The following DPP6 variants were observed in gnomAD, a reference collection of about 807,000 sequenced individuals.
DPP6 encodes the protein A-type potassium channel modulatory protein DPP6.
In DPP6, 69 loss-of-function variants were observed where a neutral mutation model predicts 122.6. That is an observed-to-expected ratio of 0.56 (90% CI 0.46 to 0.69). The LOEUF is 0.69. Among genes scored for constraint, DPP6 ranks in the 30% least tolerant of loss-of-function variants. The pLI, the probability that DPP6 is intolerant of heterozygous loss-of-function variation, is 0.00. For missense variants in DPP6, 928 were observed against 1,116.9 expected (o/e 0.83, Z 2.41); for synonymous variants, 418 against 433.1 (o/e 0.97, Z 0.43).
intron 1 of DPP6, among the ~76,000 whole-genome samples, chr7:154,207,245 A>C (rs952002690): frequency 2.6e-5 from 4 of 152,254 alleles, no homozygotes; most frequent in Non-Finnish European, 5.9e-5. Flanking sequence ...TAACTGTGAA[A>C]ACCCAATCAT....
At chr7:153,971,334 C>G (rs1055768164) in intron 1 of DPP6, among the ~76,000 whole-genome samples, 3 of 151,466 alleles carry the variant, frequency 2.0e-5, no homozygotes, top group African/African-American at 7.3e-5. Context: ...CCATACATTT[C>G]TTAGGATTTT....
intron 1 of DPP6, among the ~76,000 whole-genome samples, chr7:154,258,638 C>G (rs1328101241): frequency 6.6e-6 from 1 of 152,142 alleles, no homozygotes; most frequent in Non-Finnish European, 1.5e-5. Context: ...AATAAGTAAA[C>G]AATCAGTAAA....
chr7:153,807,242 G>A, the DPP6 span, among the ~76,000 whole-genome samples: 10 of 151,570 alleles, frequency 6.6e-5, 1 homozygote, highest in African/African-American at 1.7e-4. Flanking sequence ...GTGAAACCCC[G>A]TCTCTACTAA....
intron 1 of DPP6, among the ~76,000 whole-genome samples, chr7:153,936,472 G>T (rs73163471): frequency 6.6e-6 from 1 of 152,028 alleles, no homozygotes; most frequent in Non-Finnish European, 1.5e-5. Context: ...CCATCTTCCC[G>T]CACGTAGACA....
chr7:154,728,845 A>G (rs1365319588), intron 8 of DPP6, among the ~76,000 whole-genome samples: 1 of 152,094 alleles, frequency 6.6e-6, no homozygotes, highest in African/African-American at 2.4e-5. Context: ...AAGGGCACAA[A>G]TCTTTTTATC....
Position 154,587,776 on chromosome 7 carries a change from C to T in DPP6, c.627+20860C>T, listed in dbSNP as rs749005595. The T allele has an allele frequency of 1.1e-5, 18 of 1,607,170 alleles. No individual in the cohort carries two copies. The South Asian group carries it at 1.4e-4, about 13-fold the overall frequency. ...TTTTCTTCATTACATCACCATGTCT[C>T]TTCCTCTTCACTGCCTGCGTGACTA... On this transcript the variant is annotated intron_variant, in intron 5 of 25. Coordinates refer to ENST00000377770, the MANE Select transcript of DPP6 (RefSeq NM_130797.4).
chr7:153,967,488 C>T (rs1319045193), intron 1 of DPP6, among the ~76,000 whole-genome samples: 1 of 152,154 alleles, frequency 6.6e-6, no homozygotes, highest in East Asian at 1.9e-4. Context: ...ATTACCAAGC[C>T]TGCCTTGTAG....
chr7:154,413,045 C>T (rs1816745524), intron 1 of DPP6, among the ~76,000 whole-genome samples: 1 of 152,186 alleles, frequency 6.6e-6, no homozygotes, highest in South Asian at 2.1e-4. Context: ...GCTCAGACCC[C>T]CATCCCAGCC....
At chr7:154,648,851 A>G (rs1450352563) in intron 6 of DPP6, among the ~76,000 whole-genome samples, 1 of 152,008 alleles carries the variant, frequency 6.6e-6, no homozygotes, top group African/African-American at 2.4e-5. Context: ...CCCAGGAGGC[A>G]GAGGTTGCAG....
At chr7:154,480,600 G>T (rs940718350) in intron 3 of DPP6, among the ~76,000 whole-genome samples, 2 of 152,126 alleles carry the variant, frequency 1.3e-5, no homozygotes. Flanking sequence ...CTCAGGACTT[G>T]TTCCTCTCCT....
At chr7:154,425,486 G>A (rs1358071487) in intron 1 of DPP6, among the ~76,000 whole-genome samples, 4 of 152,116 alleles carry the variant, frequency 2.6e-5, no homozygotes, top group African/African-American at 9.7e-5. Context: ...CTCATGTTTT[G>A]AAAGCACTGG....
chr7:154,718,364 T>C (rs1841608366), intron 7 of DPP6, among the ~76,000 whole-genome samples: 1 of 152,234 alleles, frequency 6.6e-6, no homozygotes, highest in South Asian at 2.1e-4. Context: ...GCTTTCTTCT[T>C]GTTGTTTTAT....
At chr7:154,207,229 C>T (rs1468157984) in intron 1 of DPP6, among the ~76,000 whole-genome samples, 2 of 152,158 alleles carry the variant, frequency 1.3e-5, no homozygotes, top group African/African-American at 4.8e-5. Flanking sequence ...CTCAAGTTAA[C>T]CAATTTAACT....
the DPP6 span, among the ~76,000 whole-genome samples, chr7:153,770,515 C>T: frequency 6.6e-6 from 1 of 152,006 alleles, no homozygotes; most frequent in Non-Finnish European, 1.5e-5. Flanking sequence ...AACAAACTTC[C>T]ACAAGAAAGG....
the DPP6 span, among the ~76,000 whole-genome samples, chr7:153,770,750 G>A: frequency 2.6e-5 from 4 of 152,176 alleles, no homozygotes; most frequent in African/African-American, 9.7e-5. Context: ...TGAACAGCAT[G>A]TAAGACCAAA....
intron 1 of DPP6, among the ~76,000 whole-genome samples, chr7:154,438,469 C>CAAAAAAAAAAAAAAAAAAA (rs58978160): frequency 1.1e-4 from 4 of 37,464 alleles, no homozygotes; most frequent in Non-Finnish European, 1.9e-4. Context: ...GACTCCAACT[C>CAAAAAAAAAAAAAAAAAAA]AAAAAAAAAA....
intron 4 of DPP6, among the ~76,000 whole-genome samples, chr7:154,542,497 C>T (rs751327561): frequency 6.6e-6 from 1 of 152,094 alleles, no homozygotes; most frequent in African/African-American, 2.4e-5. Flanking sequence ...GAATGTGAAC[C>T]GCCTTCTCTT....
chr7:154,308,676 A>G (rs143840159), intron 1 of DPP6, among the ~76,000 whole-genome samples: 2 of 152,296 alleles, frequency 1.3e-5, no homozygotes, highest in African/African-American at 4.8e-5. Flanking sequence ...TAAATTTACT[A>G]TATTCTCACA....
the DPP6 span, among the ~76,000 whole-genome samples, chr7:153,876,785 G>A: frequency 6.6e-6 from 1 of 151,972 alleles, no homozygotes; most frequent in African/African-American, 2.4e-5. Context: ...TAGCCTATAT[G>A]GCATAGCTCC....
Sources: gnomAD v4.1 joint callset for allele counts (sites outside exome capture counted in the v4.1 genomes callset) on GRCh38, gnomAD v4.1.1 for gene constraint, MANE v1.5 for transcripts, NCBI Gene and HGNC (gene_info 2026-07-23, HGNC 2026-07-21) for gene names.